The following WWOX variants were observed in gnomAD, a reference collection of about 807,000 sequenced individuals.
WWOX encodes WW domain containing oxidoreductase.
Under a neutral mutation model 46.2 loss-of-function variants are expected in WWOX, and 69 were observed. That is an observed-to-expected ratio of 1.49 (90% CI 1.23 to 1.82). The LOEUF is 1.82. Among genes scored for constraint, WWOX ranks in the 40% most tolerant of loss-of-function variants. The pLI, the probability that WWOX is intolerant of heterozygous loss-of-function variation, is 0.00. For synonymous variants in WWOX, 359 were observed against 202.6 expected (o/e 1.77, Z -6.56); for missense variants, 919 against 542.6 (o/e 1.69, Z -6.89).
At chr16:79,115,160 C>T (rs1370502043) in intron 8 of WWOX, among the ~76,000 whole-genome samples, 1 of 152,160 alleles carries the variant, frequency 6.6e-6, no homozygotes, top group African/African-American at 2.4e-5. Flanking sequence ...TGTTCTTAGT[C>T]AGTATGGTTG....
At chr16:78,975,299 G>C (rs1246164852) in intron 8 of WWOX, among the ~76,000 whole-genome samples, 2 of 152,112 alleles carry the variant, frequency 1.3e-5, no homozygotes, top group African/African-American at 4.8e-5. Flanking sequence ...CATAACTTAG[G>C]ATGAGGTAAT....
intron 8 of WWOX, among the ~76,000 whole-genome samples, chr16:79,103,570 A>G (rs1483321047): frequency 6.6e-6 from 1 of 152,156 alleles, no homozygotes; most frequent in Non-Finnish European, 1.5e-5. Context: ...GCTCCAATTT[A>G]TTCCATACTA....
intron 8 of WWOX, among the ~76,000 whole-genome samples, chr16:79,181,029 C>G (rs1040254941): frequency 1.3e-5 from 2 of 152,138 alleles, no homozygotes; most frequent in African/African-American, 4.8e-5. Flanking sequence ...TAAGTTAATA[C>G]ATGCTCATTT....
chr16:78,865,847 C>A (rs1384546541), intron 8 of WWOX, among the ~76,000 whole-genome samples: 1 of 152,196 alleles, frequency 6.6e-6, no homozygotes, highest in Admixed American at 6.5e-5. Context: ...CCACCGCACT[C>A]CAGCCTGGGC....
chr16:78,197,454 T>C (rs1371626419), intron 5 of WWOX, among the ~76,000 whole-genome samples: 4 of 152,264 alleles, frequency 2.6e-5, no homozygotes, highest in Admixed American at 2.0e-4. Flanking sequence ...GTAACTTTTT[T>C]GACTGTCCAT....
At position 79,129,295 on chromosome 16, in the gene WWOX, G is replaced by A. The variant is rs184760493; in HGVS notation, c.1057-82313G>A. 2.7e-5 allele frequency among the ~76,000 whole-genome samples: 4 copies of A among 150,526 alleles called. No individual in the cohort carries two copies. The Admixed American group carries it at 2.7e-4, about 10-fold the overall frequency. On this transcript the variant is annotated intron_variant, in intron 8 of 8. Coordinates refer to ENST00000566780, the MANE Select transcript of WWOX (RefSeq NM_016373.4). ...GCGTGCTGCCCAATATTAAAAGATT[G>A]TATAAATGAGGGGGGCACACTTCCT...
chr16:78,846,829 A>G (rs2052311266), intron 8 of WWOX, among the ~76,000 whole-genome samples: 1 of 151,976 alleles, frequency 6.6e-6, no homozygotes, highest in Admixed American at 6.6e-5. Flanking sequence ...CATGACTGAT[A>G]TTGTCTTTCT....
chr16:78,444,775 C>T (rs978856997), intron 8 of WWOX, among the ~76,000 whole-genome samples: 1 of 152,102 alleles, frequency 6.6e-6, no homozygotes, highest in Admixed American at 6.5e-5. Context: ...CATGATCCAC[C>T]CGCCTCGGCC....
rs367724348 is a variant in WWOX at position 78,914,202 on chromosome 16, A to G, written c.1057-297406A>G. Among the ~76,000 whole-genome samples the G allele has an allele frequency of 5.9e-5, 9 of 151,972 alleles. No individual in the cohort carries two copies. In the South Asian group the frequency reaches 6.2e-4, roughly 11 times the overall value. ...TATTTTATTTCTCTGTCTAGCACTT[A>G]TCACTATCTGATATTTTCTGTCTAT... On this transcript the variant is annotated intron_variant, in intron 8 of 8. Coordinates refer to ENST00000566780, the MANE Select transcript of WWOX (RefSeq NM_016373.4).
intron 5 of WWOX, among the ~76,000 whole-genome samples, chr16:78,319,155 G>A (rs887999118): frequency 1.3e-5 from 2 of 152,234 alleles, no homozygotes; most frequent in Middle Eastern, 3.4e-3. Context: ...ACACATTGCT[G>A]GCTTTGAAAA....
At chr16:79,050,756 TGAG>T (rs1175941542) in intron 8 of WWOX, among the ~76,000 whole-genome samples, 7 of 152,026 alleles carry the variant, frequency 4.6e-5, no homozygotes, top group African/African-American at 1.4e-4. Context: ...AGAGAGGAAG[TGAG>T]GAGAATAGGG....
chr16:78,999,363 G>T (rs1035847645), intron 8 of WWOX, among the ~76,000 whole-genome samples: 1 of 152,128 alleles, frequency 6.6e-6, no homozygotes, highest in Non-Finnish European at 1.5e-5. Flanking sequence ...CCAGCTACTC[G>T]AGAGGCTGAG....
chr16:78,621,855 T>G (rs1051477064), intron 8 of WWOX, among the ~76,000 whole-genome samples: 1 of 152,066 alleles, frequency 6.6e-6, no homozygotes, highest in African/African-American at 2.4e-5. Flanking sequence ...TCTGCCTACC[T>G]TAGCCTCCCA....
At chr16:78,454,260 G>A (rs72799920) in intron 8 of WWOX, among the ~76,000 whole-genome samples, 2 of 152,056 alleles carry the variant, frequency 1.3e-5, no homozygotes. Context: ...AGATCAAGAT[G>A]TTCTATGTTG....
intron 8 of WWOX, among the ~76,000 whole-genome samples, chr16:79,056,231 AAAAT>A (rs1316881981): frequency 7.1e-6 from 1 of 139,938 alleles, no homozygotes; most frequent in Non-Finnish European, 1.6e-5. Context: ...AAAAAAAAAA[AAAAT>A]TCAGCATTTC....
At chr16:78,142,914 C>A (rs1030653192) in intron 4 of WWOX, among the ~76,000 whole-genome samples, 2 of 152,188 alleles carry the variant, frequency 1.3e-5, no homozygotes, top group African/African-American at 4.8e-5. Flanking sequence ...TGGAGTCTTA[C>A]ATTCACATTT....
At chr16:78,582,828 T>C (rs2045095901) in intron 8 of WWOX, among the ~76,000 whole-genome samples, 2 of 152,274 alleles carry the variant, frequency 1.3e-5, no homozygotes, top group South Asian at 4.1e-4. Flanking sequence ...GAAGACCTGG[T>C]ATGTCTTATG....
intron 8 of WWOX, among the ~76,000 whole-genome samples, chr16:78,581,569 A>G (rs897592188): frequency 6.6e-5 from 10 of 152,060 alleles, no homozygotes; most frequent in Non-Finnish European, 1.2e-4. Flanking sequence ...TTTATTGTGA[A>G]CCTCTAGGAA....
intron 5 of WWOX, among the ~76,000 whole-genome samples, chr16:78,358,606 C>T (rs551639085): frequency 4.6e-5 from 7 of 152,024 alleles, no homozygotes; most frequent in African/African-American, 1.2e-4. Context: ...TGCAGTGAGC[C>T]GAGATAGTTC....
Sources: allele counts gnomAD v4.1 joint callset (sites outside exome capture counted in the v4.1 genomes callset), GRCh38; gene constraint gnomAD v4.1.1; transcripts MANE v1.5; gene names NCBI Gene and HGNC (gene_info 2026-07-23, HGNC 2026-07-21).